PLN: variants seen among roughly 807,000 people sequenced by gnomAD.
The protein encoded by PLN is phospholamban.
In PLN, 1 loss-of-function variant was observed where a neutral mutation model predicts 3.9. That is an observed-to-expected ratio of 0.26 (90% CI 0.09 to 1.23). The LOEUF (loss-of-function observed/expected upper bound fraction) is 1.23, where lower values mean the gene tolerates loss of function less well. Ranked by LOEUF, PLN falls within the 50% of genes most tolerant of loss-of-function variation. The probability of loss-of-function intolerance (pLI) is 0.48; values close to 1 mark genes in which losing one functional copy is unlikely to be tolerated. For synonymous variants in PLN, 21 were observed against 20.5 expected (o/e 1.02, Z -0.07); for missense variants, 59 against 62.7 (o/e 0.94, Z 0.20).
At position 118,560,166 on chromosome 6, in the gene PLN, T is replaced by C. The variant is rs1290064715; in HGVS notation, c.*1086T>C. 3 of 167,086 alleles carry C rather than the reference T, an allele frequency of 1.8e-5. No individual in the cohort carries two copies. The highest frequency in any genetic ancestry group is 2.9e-5 in the Non-Finnish European group (2 of 68,114). 10.4% of individuals were successfully genotyped at this position (167,086 alleles called of 1,614,324 possible). A position where few individuals can be genotyped will look rare whatever the true frequency, so the allele number is the denominator to read the frequency against. On this transcript the variant is annotated 3_prime_UTR_variant, in exon 2 of 2. Coordinates refer to ENST00000357525, the MANE Select transcript of PLN (RefSeq NM_002667.5). ...GAAATGAACTTGTTGGCCCATCTAT[T>C]ACATCTACAGCTGACCCTTGAACAT...
At chr6:118,556,598 CT>C (rs1435967812) in intron 1 of PLN, among the ~76,000 whole-genome samples, 1 of 152,154 alleles carries the variant, frequency 6.6e-6, no homozygotes, top group Admixed American at 6.5e-5. Context: ...ACTTTCCTCT[CT>C]CAGGAATGGG....
rs1160663315 is a variant in PLN, at chr6:118,561,197, AC to A, written c.*2118del. On this transcript the variant is annotated 3_prime_UTR_variant, in exon 2 of 2. Coordinates refer to ENST00000357525, the MANE Select transcript of PLN (RefSeq NM_002667.5). ...ATCTACAAGCTGGAAATTCCTAAAA[AC>A]AAGTAGAAAGCTTATAAACAACAGG... is the stretch of plus-strand genomic sequence containing the variant. Among the ~76,000 whole-genome samples, 1 of 152,190 alleles carries A rather than the reference AC, an allele frequency of 6.6e-6. No homozygotes were observed.
chr6:118,559,181 G>C lies in PLN; in HGVS notation c.*101G>C. 1.2e-6 allele frequency: 1 copy of C among 865,506 alleles called. No individual in the cohort carries two copies. 53.6% of individuals were successfully genotyped at this position (865,506 alleles called of 1,614,324 possible). On this transcript the variant is annotated 3_prime_UTR_variant, in exon 2 of 2. Coordinates refer to ENST00000357525, the MANE Select transcript of PLN (RefSeq NM_002667.5). The stretch of plus-strand genomic sequence containing the variant: ...AATATTGTATAACAGACCACTTCCT[G>C]AGTAGAAGAGTTTCTTTGTGAAAAG...
intron 1 of PLN, among the ~76,000 whole-genome samples, chr6:118,556,979 G>C (rs1183917447): frequency 2.0e-5 from 3 of 151,630 alleles, no homozygotes; most frequent in Non-Finnish European, 4.4e-5. Flanking sequence ...TGGGATCTCT[G>C]AAAGAAGGCA....
rs73526173 is a variant in PLN at position 118,558,532 on chromosome 6, T to C, written c.-97-293T>C. Among the ~76,000 whole-genome samples the C allele has an allele frequency of 0.011, 1,687 of 151,760 alleles. 42 individuals are homozygous for C. Among genetic ancestry groups the C allele is most frequent in the African/African-American group, 0.039 (1,605 of 41,342 alleles). ...AAATTTGGGAGAAAAAGGCAAGGAC[T>C]AAAGTTACTACTCCTAACACAAATG... On this transcript the variant is annotated intron_variant, in intron 1 of 1. Transcript: ENST00000357525.
At chr6:118,549,380 C>T (rs186248883) in intron 1 of PLN, among the ~76,000 whole-genome samples, 193 of 151,842 alleles carry the variant, frequency 1.3e-3, no homozygotes, top group African/African-American at 4.4e-3. Context: ...TGTTACAATC[C>T]TCAATTTAGT....
chr6:118,553,443 G>T (rs1174187609), intron 1 of PLN, among the ~76,000 whole-genome samples: 1 of 152,100 alleles, frequency 6.6e-6, no homozygotes, highest in Non-Finnish European at 1.5e-5. Flanking sequence ...ACAAATGTTG[G>T]TATTCAGTAG....
chr6:118,559,162 G>A lies in PLN; in HGVS notation c.*82G>A, dbSNP rs1779082924. 4 of 1,017,946 alleles carry A rather than the reference G, an allele frequency of 3.9e-6. No homozygotes were observed. Among genetic ancestry groups the A allele is most frequent in the Non-Finnish European group, 6.3e-6 (4 of 635,932 alleles). The allele number at this position is 1,017,946 out of a possible 1,614,324, so 63.1% of individuals were successfully genotyped here. A position where few individuals can be genotyped will look rare whatever the true frequency, so the allele number is the denominator to read the frequency against. On this transcript the variant is annotated 3_prime_UTR_variant, in exon 2 of 2. Coordinates refer to ENST00000357525, the MANE Select transcript of PLN (RefSeq NM_002667.5). Reference sequence around the variant, plus strand: ...CCCATGCAGACAGGAAAACAATATTGTATAACAGACCACTTCCTGAGTAGA... The same window carrying A: ...CCCATGCAGACAGGAAAACAATATTATATAACAGACCACTTCCTGAGTAGA...
chr6:118,554,652 T>C (rs1469426919), intron 1 of PLN, among the ~76,000 whole-genome samples: 1 of 152,192 alleles, frequency 6.6e-6, no homozygotes, highest in Non-Finnish European at 1.5e-5. Context: ...CTGACAGATA[T>C]CCTCATATAG....
Position 118,560,246 on chromosome 6 carries a change from G to C in PLN, c.*1166G>C, listed in dbSNP as rs762819979. ...TCCGCAAAATCTTAACTACCTAATA[G>C]CCTACTATTGACCATAAACCTTACT... On this transcript the variant is annotated 3_prime_UTR_variant, in exon 2 of 2. Transcript: ENST00000357525. The C allele has an allele frequency of 6.0e-6, 1 of 166,918 alleles. No homozygotes were observed. The highest frequency in any genetic ancestry group is 1.5e-5 in the Non-Finnish European group (1 of 68,090). 10.3% of individuals were successfully genotyped at this position (166,918 alleles called of 1,614,324 possible).
At chr6:118,549,703 CTT>C (rs1778426728) in intron 1 of PLN, among the ~76,000 whole-genome samples, 1 of 151,720 alleles carries the variant, frequency 6.6e-6, no homozygotes, top group African/African-American at 2.4e-5. Context: ...GTGTAGGTGT[CTT>C]ATGTTATTTG....
At position 118,560,747 on chromosome 6, in the gene PLN, C is replaced by G. The variant is rs1391056637; in HGVS notation, c.*1667C>G. The G allele has an allele frequency of 6.2e-6, 1 of 162,366 alleles. No homozygotes were observed. Among genetic ancestry groups the G allele is most frequent in the Non-Finnish European group, 1.5e-5 (1 of 68,090 alleles). The allele number at this position is 162,366 out of a possible 1,614,324, so 10.1% of individuals were successfully genotyped here. A position where few individuals can be genotyped will look rare whatever the true frequency, so the allele number is the denominator to read the frequency against. ...AATAAATTTTCAATTTCTCCTCTGA[C>G]CATTTCAGAACATCTTCCAATAACT... On this transcript the variant is annotated 3_prime_UTR_variant, in exon 2 of 2. Coordinates refer to ENST00000357525, the MANE Select transcript of PLN (RefSeq NM_002667.5).
intron 1 of PLN, among the ~76,000 whole-genome samples, chr6:118,549,807 T>C (rs1438913490): frequency 6.6e-6 from 1 of 151,868 alleles, no homozygotes; most frequent in Non-Finnish European, 1.5e-5. Flanking sequence ...TTTTGCTATA[T>C]CACATATTAC....
intron 1 of PLN, among the ~76,000 whole-genome samples, chr6:118,552,604 T>C (rs1274493843): frequency 6.6e-6 from 1 of 152,018 alleles, no homozygotes; most frequent in Non-Finnish European, 1.5e-5. Flanking sequence ...GCCTAATGGC[T>C]TTTCTATTTC....
chr6:118,554,413 T>C (rs146154859), intron 1 of PLN, among the ~76,000 whole-genome samples: 70 of 152,278 alleles, frequency 4.6e-4, no homozygotes, highest in African/African-American at 1.7e-3. Flanking sequence ...TTCCAAAGTG[T>C]TGGAATTATA....
chr6:118,549,169 T>A (rs1778385761), intron 1 of PLN, among the ~76,000 whole-genome samples: 1 of 152,000 alleles, frequency 6.6e-6, no homozygotes, highest in Non-Finnish European at 1.5e-5. Flanking sequence ...CGAATATTCT[T>A]AACTATCTTA....
In PLN at chr6:118,557,111, T is replaced by C. The variant is rs138185303; in HGVS notation, c.-97-1714T>C. 3.7e-3 allele frequency among the ~76,000 whole-genome samples: 562 copies of C among 152,270 alleles called. 3 individuals are homozygous for C. The highest frequency in any genetic ancestry group is 0.013 in the African/African-American group (536 of 41,554). ...CTTCAGTACTTAACATCAAATCTTATTAAAATGTTACTTAAGATAACATTC... is the reference window on the plus strand; with the variant it reads ...CTTCAGTACTTAACATCAAATCTTACTAAAATGTTACTTAAGATAACATTC... On this transcript the variant is annotated intron_variant, in intron 1 of 1. Coordinates refer to ENST00000357525, the MANE Select transcript of PLN (RefSeq NM_002667.5).
rs780082801 is a variant in PLN at position 118,558,937 on chromosome 6, T to C, written c.16T>C (p.Tyr6His). 5 of 1,613,838 alleles carry C rather than the reference T, an allele frequency of 3.1e-6. No individual in the cohort carries two copies. The African/African-American group carries it at 4.0e-5, about 13-fold the overall frequency. MEKVQYLTRSAIRRAS... is the reference protein window; with the variant it reads MEKVQHLTRSAIRRAS... ...TGCTGGTATCATGGAGAAAGTCCAATACCTCACTCGCTCAGCTATAAGAAG... is the reference window on the plus strand; with the variant it reads ...TGCTGGTATCATGGAGAAAGTCCAACACCTCACTCGCTCAGCTATAAGAAG... Residue 6 changes from tyrosine to histidine, a missense_variant, in exon 2 of 2, where the codon TAC (tyrosine) becomes CAC (histidine). Physicochemically the swap from Tyr to His is moderately conservative, Grantham distance 83. Coordinates refer to ENST00000357525, the MANE Select transcript of PLN (RefSeq NM_002667.5).
chr6:118,551,737 C>T (rs1230037708), intron 1 of PLN, among the ~76,000 whole-genome samples: 1 of 151,926 alleles, frequency 6.6e-6, no homozygotes, highest in Non-Finnish European at 1.5e-5. Flanking sequence ...ATTTTCATAA[C>T]CAGACAGAAG....
Sources: allele counts gnomAD v4.1 joint callset (sites outside exome capture counted in the v4.1 genomes callset), GRCh38; gene constraint gnomAD v4.1.1; transcripts MANE v1.5; gene names NCBI Gene and HGNC (gene_info 2026-07-23, HGNC 2026-07-21).